ELF2: variants seen among roughly 807,000 people sequenced by gnomAD.
The protein encoded by ELF2 is ETS-related transcription factor Elf-2.
ELF2 carries 11 observed loss-of-function variants against 54.8 expected under a neutral mutation model. That is an observed-to-expected ratio of 0.20 (90% confidence interval 0.13 to 0.33). The LOEUF is 0.33. ELF2 is among the 10% of genes least tolerant of loss of function. ELF2 has a pLI of 1.00. For synonymous variants in ELF2, 203 were observed against 245.1 expected (o/e 0.83, Z 1.61); for missense variants, 513 against 703.0 (o/e 0.73, Z 3.06).
At chr4:139,134,171 G>A (rs1243144093) in intron 3 of ELF2, among the ~76,000 whole-genome samples, 1 of 152,026 alleles carries the variant, frequency 6.6e-6, no homozygotes, top group African/African-American at 2.4e-5. Flanking sequence ...ATAATGAATA[G>A]GTGTTAATTT....
chr4:139,073,918 G>C (rs1729897817), intron 4 of ELF2, among the ~76,000 whole-genome samples: 1 of 152,158 alleles, frequency 6.6e-6, no homozygotes, highest in Admixed American at 6.5e-5. Flanking sequence ...ACCTTGGTCA[G>C]GAGTTGAAGA....
chr4:139,156,192 G>C (rs1046408200), intron 1 of ELF2, among the ~76,000 whole-genome samples: 8 of 151,114 alleles, frequency 5.3e-5, no homozygotes, highest in Non-Finnish European at 7.4e-5. Flanking sequence ...GGGAGTCGTC[G>C]GGGGACGGAG....
intron 5 of ELF2, among the ~76,000 whole-genome samples, chr4:139,072,427 A>T (rs955810632): frequency 6.6e-6 from 1 of 152,318 alleles, no homozygotes; most frequent in African/African-American, 2.4e-5. Flanking sequence ...ATCCGTCATT[A>T]TTTTTTAACA....
Position 139,059,250 on chromosome 4 carries a change from T to G in ELF2, c.1515A>C (p.Thr505=), listed in dbSNP as rs1306949635. ...TAGGCATTGATAGTCTCATTACAGGTGTACCATGGGCTATTGAAACAGGGG... is the reference window on the plus strand; with the variant it reads ...TAGGCATTGATAGTCTCATTACAGGGGTACCATGGGCTATTGAAACAGGGG... ...ALTPVSIAHG[T]PVMRLSMPTQ... The change falls in exon 10 of 10, where the codon ACA becomes ACC. Residue 505 remains threonine, a synonymous_variant. Transcript: ENST00000686138. The G allele has an allele frequency of 6.2e-7, 1 of 1,613,912 alleles. No homozygotes were observed. The highest frequency in any genetic ancestry group is 1.7e-5 in the Admixed American group (1 of 60,014).
intron 4 of ELF2, among the ~76,000 whole-genome samples, chr4:139,080,760 A>G (rs903056337): frequency 6.6e-6 from 1 of 152,128 alleles, no homozygotes; most frequent in African/African-American, 2.4e-5. Flanking sequence ...TTCCTATATT[A>G]AGCTATATAC....
chr4:139,152,321 TA>T (rs886675010), intron 1 of ELF2, among the ~76,000 whole-genome samples: 34 of 152,226 alleles, frequency 2.2e-4, no homozygotes, highest in African/African-American at 7.5e-4. Context: ...AGAAGAATTG[TA>T]ATTTGTAGTC....
At chr4:139,083,185 G>T (rs902175528) in intron 4 of ELF2, among the ~76,000 whole-genome samples, 19 of 152,230 alleles carry the variant, frequency 1.2e-4, no homozygotes, top group Admixed American at 7.2e-4. Flanking sequence ...GAGGTTTGGG[G>T]GGGGGTAGAG....
At position 139,059,373 on chromosome 4, in the gene ELF2, A is replaced by C; in HGVS notation, c.1392T>G (p.Ala464=). 6.2e-7 allele frequency: 1 copy of C among 1,613,982 alleles called. No homozygotes were observed. Among genetic ancestry groups the C allele is most frequent in the East Asian group, 2.2e-5 (1 of 44,888 alleles). Residue 464 remains alanine (A), a synonymous_variant, in exon 10 of 10, where the codon GCT becomes GCG. Transcript: ENST00000686138. ...MQPAKIITIP[A]TQLAQCQLQT... is the part of the protein sequence containing the mutation. ...GCAGTTGACACTGTGCAAGCTGTGT[A>C]GCTGGGATGGTAATAATTTTGGCAG...
At chr4:139,106,740 CTTT>C (rs35312494) in intron 4 of ELF2, among the ~76,000 whole-genome samples, 14 of 93,718 alleles carry the variant, frequency 1.5e-4, no homozygotes, top group Admixed American at 4.8e-4. Flanking sequence ...AACTATATTT[CTTT>C]TTTTTTTTTT....
intron 1 of ELF2, among the ~76,000 whole-genome samples, chr4:139,148,783 T>C (rs1488737952): frequency 2.0e-5 from 3 of 152,272 alleles, no homozygotes; most frequent in East Asian, 1.9e-4. Flanking sequence ...AGTAACTGTA[T>C]GTTTAACATT....
At chr4:139,158,322 G>A (rs1365525782) in intron 1 of ELF2, among the ~76,000 whole-genome samples, 5 of 152,170 alleles carry the variant, frequency 3.3e-5, no homozygotes, top group Admixed American at 6.5e-5. Flanking sequence ...GGATGTATAC[G>A]TGCAGGTCAC....
At chr4:139,173,618 C>T (rs565962041) in intron 1 of ELF2, among the ~76,000 whole-genome samples, 2 of 151,098 alleles carry the variant, frequency 1.3e-5, no homozygotes, top group South Asian at 2.1e-4. Flanking sequence ...ATTAGCCGGG[C>T]GTGGTGGCAC....
chr4:139,137,507 TACA>T, intron 3 of ELF2, 120 bp downstream of exon 3: 1 of 960,106 alleles, frequency 1.0e-6, no homozygotes, highest in Non-Finnish European at 1.6e-6. Context: ...ACACGACATG[TACA>T]TGTATAATTT....
chr4:139,077,643 GTGTC>G (rs77769219), intron 4 of ELF2, among the ~76,000 whole-genome samples: 263 of 152,040 alleles, frequency 1.7e-3, no homozygotes, highest in Middle Eastern at 3.4e-3. Flanking sequence ...TCTCCTACTT[GTGTC>G]TGTAATTAAA....
At chr4:139,141,457 TC>T (rs1177703705) in intron 1 of ELF2, among the ~76,000 whole-genome samples, 1 of 152,176 alleles carries the variant, frequency 6.6e-6, no homozygotes, top group Non-Finnish European at 1.5e-5. Flanking sequence ...AAACAGCTGC[TC>T]CTTGGCCATC....
intron 4 of ELF2, among the ~76,000 whole-genome samples, chr4:139,075,939 CTAAAAG>C (rs918566402): frequency 5.3e-5 from 8 of 152,048 alleles, no homozygotes; most frequent in African/African-American, 1.7e-4. Context: ...CCTAAAGGAA[CTAAAAG>C]TAAATGTTTA....
intron 1 of ELF2, among the ~76,000 whole-genome samples, chr4:139,153,287 TAGTC>T (rs1740200944): frequency 6.6e-6 from 1 of 151,754 alleles, no homozygotes; most frequent in Non-Finnish European, 1.5e-5. Flanking sequence ...ATACAAAAAT[TAGTC>T]AGACACGGTG....
intron 3 of ELF2, among the ~76,000 whole-genome samples, chr4:139,130,084 TTGGACTCTGAGACACACAA>T (rs538716315): frequency 2.2e-4 from 33 of 152,142 alleles, no homozygotes; most frequent in African/African-American, 7.0e-4. Flanking sequence ...AAAGGGAAAT[TTGGACTCTGAGACACACAA>T]ATGGGAAGGA....
At chr4:139,126,145 A>G (rs1412595082) in intron 3 of ELF2, among the ~76,000 whole-genome samples, 1 of 152,222 alleles carries the variant, frequency 6.6e-6, no homozygotes, top group Non-Finnish European at 1.5e-5. Flanking sequence ...GAACATTTTA[A>G]AATACAAGTA....
Sources: gnomAD v4.1 joint callset for allele counts (sites outside exome capture counted in the v4.1 genomes callset) on GRCh38, gnomAD v4.1.1 for gene constraint, MANE v1.5 for transcripts, NCBI Gene and HGNC (gene_info 2026-07-23, HGNC 2026-07-21) for gene names.